Variants in STAG3 observed in about 807,000 individuals in gnomAD.
STAG3 encodes STAG3 cohesin complex component.
A neutral mutation model predicts 160.7 loss-of-function variants in STAG3; 101 were observed. The ratio of observed to expected loss-of-function variants is 0.63; its 90% CI spans 0.54 to 0.74. The LOEUF (loss-of-function observed/expected upper bound fraction) is 0.74. Among genes scored for constraint, STAG3 ranks in the 30% least tolerant of loss-of-function variants. The probability of loss-of-function intolerance (pLI) is 0.00; values close to 1 mark genes in which losing one functional copy is unlikely to be tolerated. For synonymous variants in STAG3, 519 were observed against 585.0 expected, an observed-to-expected ratio of 0.89 and a Z score of 1.63; for missense variants, 1,188 against 1,517.4, an observed-to-expected ratio of 0.78 and a Z score of 3.61.
intron 8 of STAG3, among the ~76,000 whole-genome samples, chr7:100,193,890 C>T (rs1584693469): frequency 6.6e-6 from 1 of 151,320 alleles, no homozygotes; most frequent in South Asian, 2.1e-4. Context: ...GCACAAGAGG[C>T]CTAGCTATCG....
chr7:100,188,702 T>C, intron 6 of STAG3, 110 bp from the exon 7 acceptor site: 1 of 1,215,360 alleles, frequency 8.2e-7, no homozygotes, highest in Non-Finnish European at 1.2e-6. Context: ...TACCAGGAAA[T>C]GAGGTATAAC....
rs59199513 is a variant in STAG3 at position 100,200,065 on chromosome 7, C to CAA, written c.1678-155_1678-154dup. On this transcript the variant is annotated intron_variant, in intron 16 of 33. Coordinates refer to ENST00000615138, the MANE Select transcript of STAG3 (RefSeq NM_001282717.2). ...TGGGTGACAGAGCGAGACTCCGTCT[C>CAA]AAAAAAAAAAAAAAAAAGGAGTTTC... The CAA allele has an allele frequency of 0.17, 63,786 of 365,554 alleles. 3,871 individuals carry two copies. The highest frequency in any genetic ancestry group is 0.33 in the East Asian group (7,382 of 22,466). The allele number at this position is 365,554 out of a possible 1,614,324, so 22.6% of individuals were successfully genotyped here. A position where few individuals can be genotyped will look rare whatever the true frequency, so the allele number is the denominator to read the frequency against.
chr7:100,187,969 G>A (rs1354832016), intron 5 of STAG3, among the ~76,000 whole-genome samples: 1 of 152,066 alleles, frequency 6.6e-6, no homozygotes, highest in Admixed American at 6.5e-5. Context: ...TGTTGGCCAG[G>A]CTGGTCTCGA....
chr7:100,199,629 G>T lies in STAG3; in HGVS notation c.1662G>T (p.Arg554=). The T allele has an allele frequency of 6.3e-7, 1 of 1,596,628 alleles. No individual in the cohort carries two copies. Among genetic ancestry groups the T allele is most frequent in the East Asian group, 2.2e-5 (1 of 44,770 alleles). The change falls in exon 16 of 34, where the codon CGG becomes CGT. Residue 554 remains arginine (R), a synonymous_variant. Transcript: ENST00000615138. ...CAGAGGGGCACCCGCCTGTGGGCCG[G>T]GTCACTGGGAGGAAGGTATGGTGTG... The part of the protein sequence containing the change: ...QASEGHPPVG[R]VTGRKGLTSK...
At chr7:100,213,385 A>G (rs931895215) in intron 32 of STAG3, 1 of 985,258 alleles carries the variant, frequency 1.0e-6, no homozygotes, top group African/African-American at 1.7e-5. Flanking sequence ...AGAATAGAAC[A>G]GAACAGGGGA....
In STAG3 at chr7:100,211,426, C is replaced by T. The variant is rs964733573; in HGVS notation, c.3414-9C>T. 4 of 1,612,680 alleles carry T rather than the reference C, an allele frequency of 2.5e-6. No individual in the cohort carries two copies. In the South Asian group the frequency reaches 4.4e-5, roughly 18 times the overall value. ...TTTTATCCCATCATTGATCCTGCTT[C>T]ATTCCCAGCAGTCAGCCCGTCGCAG... On this transcript the variant is annotated splice_polypyrimidine_tract_variant and intron_variant, in intron 30 of 33. Transcript: ENST00000615138.
At chr7:100,187,667 C>T (rs1268249911) in intron 5 of STAG3, among the ~76,000 whole-genome samples, 5 of 151,898 alleles carry the variant, frequency 3.3e-5, no homozygotes, top group Non-Finnish European at 5.9e-5. Flanking sequence ...GTAGGCAAGT[C>T]GGCTTAACCT....
chr7:100,211,819 GGAAGAA>G lies in STAG3; in HGVS notation c.3546_3551del (p.Glu1183_Glu1184del), dbSNP rs1563009329. ...GACTCAGCCTTATGGAAGAGGACGA[GGAAGAA>G]GAGTTAGAAATCCAGGATGAGTCAA... On this transcript the variant is annotated inframe_deletion, in exon 32 of 34. Transcript: ENST00000615138. 6.2e-7 allele frequency: 1 copy of G among 1,614,144 alleles called. No individual in the cohort carries two copies. Among genetic ancestry groups the G allele is most frequent in the Non-Finnish European group, 8.5e-7 (1 of 1,180,024 alleles).
Position 100,180,529 on chromosome 7 carries a change from C to T in STAG3, c.-28C>T. 1 of 1,402,168 alleles carries T rather than the reference C, an allele frequency of 7.1e-7. No homozygotes were observed. The highest frequency in any genetic ancestry group is 1.0e-6 in the Non-Finnish European group (1 of 986,512). The allele number at this position is 1,402,168 out of a possible 1,614,324, so 86.9% of individuals were successfully genotyped here. On this transcript the variant is annotated 5_prime_UTR_variant, in exon 2 of 34. Coordinates refer to ENST00000615138, the MANE Select transcript of STAG3 (RefSeq NM_001282717.2). ...TACCTACCCTGTGGTCCTCATCTTC[C>T]TGGCCTCATAGCTCCTCCTCTCCAA...
downstream of STAG3, among the ~76,000 whole-genome samples, chr7:100,217,661 T>C (rs1216705275): frequency 6.6e-6 from 1 of 151,614 alleles, no homozygotes; most frequent in African/African-American, 2.4e-5. Flanking sequence ...GGGTAAGGAG[T>C]GCGAGTCATC....
chr7:100,188,736 G>A (rs1800177429), intron 6 of STAG3, 76 bp from the exon 7 acceptor site: 8 of 1,469,410 alleles, frequency 5.4e-6, no homozygotes, highest in Non-Finnish European at 7.6e-6. Context: ...GGACTGTTGA[G>A]TTTTGACATC....
rs768622284 is a variant in STAG3, at chr7:100,205,103, C to T, written c.3050C>T (p.Pro1017Leu). ...CTGGAGCTCCTTTCAGAGTTTTCCCCCCGACTCTTCCATCAGGACAAGCAG... is the reference window on the plus strand; with the variant it reads ...CTGGAGCTCCTTTCAGAGTTTTCCCTCCGACTCTTCCATCAGGACAAGCAG... ...AFLELLSEFS[P>L]RLFHQDKQLL... Residue 1017 changes from proline (P) to leucine (L), a missense_variant, in exon 28 of 34, where the codon CCC (proline) becomes CTC (leucine). By Grantham distance (98) the Pro-to-Leu change is moderately conservative. Coordinates refer to ENST00000615138, the MANE Select transcript of STAG3 (RefSeq NM_001282717.2). 5.6e-6 allele frequency: 9 copies of T among 1,614,178 alleles called. No homozygotes were observed. The highest frequency in any genetic ancestry group is 7.6e-6 in the Non-Finnish European group (9 of 1,180,022).
intron 29 of STAG3, among the ~76,000 whole-genome samples, chr7:100,206,462 A>G (rs1300631566): frequency 6.6e-6 from 1 of 151,428 alleles, no homozygotes; most frequent in Non-Finnish European, 1.5e-5. Context: ...TACAACTTAC[A>G]TATCATAAAA....
chr7:100,178,341 G>A (rs1257995489), intron 1 of STAG3, among the ~76,000 whole-genome samples: 3 of 152,060 alleles, frequency 2.0e-5, no homozygotes, highest in Non-Finnish European at 4.4e-5. Context: ...TTCTCATGGC[G>A]CCTCCACCCC....
intron 21 of STAG3, 70 bp from the exon 22 acceptor site, chr7:100,201,714 GGT>G: frequency 1.6e-6 from 2 of 1,274,012 alleles, no homozygotes; most frequent in Non-Finnish European, 2.3e-6. Flanking sequence ...CCTCTTCACT[GGT>G]GTGTTTCTGG....
Position 100,195,401 on chromosome 7 carries a change from C to T in STAG3, c.941+19C>T. ...GGTACAGGTGAGCTAATGGGCCTCTCTCATTGAAGCAGCTGGCCTTTGGTT... is the reference window on the plus strand; with the variant it reads ...GGTACAGGTGAGCTAATGGGCCTCTTTCATTGAAGCAGCTGGCCTTTGGTT... On this transcript the variant is annotated intron_variant, in intron 9 of 33. Coordinates refer to ENST00000615138, the MANE Select transcript of STAG3 (RefSeq NM_001282717.2). The T allele has an allele frequency of 1.2e-6, 2 of 1,608,840 alleles. No homozygotes were observed. The highest frequency in any genetic ancestry group is 1.7e-6 in the Non-Finnish European group (2 of 1,176,844).
At chr7:100,218,965 A>G (rs926285933), downstream of STAG3, 1 of 158,390 alleles carries the variant, frequency 6.3e-6, no homozygotes, top group African/African-American at 2.4e-5. Context: ...AGAAATAAGA[A>G]GAGTTGAAAA....
intron 3 of STAG3, 52 bp downstream of exon 3, chr7:100,182,244 AG>A: frequency 7.2e-7 from 1 of 1,392,094 alleles, no homozygotes; most frequent in Non-Finnish European, 1.0e-6. Context: ...GAAGCAGCCC[AG>A]CTACTTGGGA....
At position 100,204,097 on chromosome 7, in the gene STAG3, G is replaced by A. The variant is rs146751991; in HGVS notation, c.2777G>A (p.Arg926Gln). 2.0e-5 allele frequency: 33 copies of A among 1,613,866 alleles called. No individual in the cohort carries two copies. The highest frequency in any genetic ancestry group is 2.5e-5 in the Non-Finnish European group (30 of 1,179,986). The part of the protein sequence containing the change: ...ARQIDRSHCS[R>Q]ILLLSLKQLY... ...CAGATTGACCGAAGTCATTGTTCCCGAATCCTGCTGCTGAGCCTCAAGCAG... is the reference window on the plus strand; with the variant it reads ...CAGATTGACCGAAGTCATTGTTCCCAAATCCTGCTGCTGAGCCTCAAGCAG... The change falls in exon 26 of 34, where the codon CGA becomes CAA. Residue 926 changes from arginine to glutamine, a missense_variant. This residue lies in a region of STAG3 where 647 missense variants were observed against 717.2 expected (regional missense o/e 0.90). Coordinates refer to ENST00000615138, the MANE Select transcript of STAG3 (RefSeq NM_001282717.2).
Sources: gnomAD v4.1 joint callset for allele counts (sites outside exome capture counted in the v4.1 genomes callset) on GRCh38, gnomAD v4.1.1 for gene constraint, gnomAD v4.1.1 regional missense constraint, MANE v1.5 for transcripts, NCBI Gene and HGNC (gene_info 2026-07-23, HGNC 2026-07-21) for gene names.